The following CSMD1 variants were observed in gnomAD, a reference collection of about 807,000 sequenced individuals.
CSMD1 encodes the protein CUB and Sushi multiple domains 1, also known as CUB and sushi domain-containing protein 1.
A neutral mutation model predicts 417.5 loss-of-function variants in CSMD1; 213 were observed. That is an observed-to-expected ratio of 0.51 (90% confidence interval 0.46 to 0.57). The LOEUF (loss-of-function observed/expected upper bound fraction) is 0.57, where lower values mean the gene tolerates loss of function less well. Among genes scored for constraint, CSMD1 ranks in the 20% least tolerant of loss-of-function variants. The pLI is 0.00. For missense variants in CSMD1, 6,923 were observed against 4,529.7 expected (o/e 1.53, Z -15.17); for synonymous variants, 2,862 against 1,736.8 (o/e 1.65, Z -16.11).
intron 5 of CSMD1, among the ~76,000 whole-genome samples, chr8:3,913,671 A>T (rs1164637336): frequency 6.6e-6 from 1 of 152,180 alleles, no homozygotes; most frequent in East Asian, 1.9e-4. Flanking sequence ...GGGCCATCGA[A>T]ATATCAAGGA....
chr8:3,630,172 G>A (rs1274416572), intron 7 of CSMD1, among the ~76,000 whole-genome samples: 2 of 152,214 alleles, frequency 1.3e-5, no homozygotes, highest in Non-Finnish European at 2.9e-5. Context: ...TGAATGCCTG[G>A]TACAGGCAGG....
chr8:4,429,525 G>A (rs962979533), intron 2 of CSMD1, among the ~76,000 whole-genome samples: 1 of 152,116 alleles, frequency 6.6e-6, no homozygotes. Context: ...ATTCAAGTTG[G>A]ATCAGAAAAT....
At chr8:4,172,010 G>A (rs1385726080) in intron 3 of CSMD1, among the ~76,000 whole-genome samples, 1 of 151,992 alleles carries the variant, frequency 6.6e-6, no homozygotes, top group Non-Finnish European at 1.5e-5. Context: ...TACCACCAAA[G>A]CAGCACATAA....
At chr8:3,663,739 C>T (rs184078752) in intron 7 of CSMD1, among the ~76,000 whole-genome samples, 148 of 152,264 alleles carry the variant, frequency 9.7e-4, no homozygotes, top group Non-Finnish European at 1.4e-3. Context: ...AGTTGTCCTG[C>T]CTTTCTGGAC....
chr8:4,151,619 G>T (rs1003626858), intron 3 of CSMD1, among the ~76,000 whole-genome samples: 2 of 152,094 alleles, frequency 1.3e-5, no homozygotes, highest in African/African-American at 2.4e-5. Context: ...GTGACATGTA[G>T]TTTCACTTTG....
At chr8:3,366,920 AAC>A (rs1809610768) in intron 20 of CSMD1, 110 bp downstream of exon 20, 1 of 865,590 alleles carries the variant, frequency 1.2e-6, no homozygotes, top group East Asian at 2.7e-5. Context: ...CGCATGTACA[AAC>A]ACACACGGAT....
intron 8 of CSMD1, among the ~76,000 whole-genome samples, chr8:3,605,529 G>A (rs1431339880): frequency 6.6e-6 from 1 of 152,166 alleles, no homozygotes; most frequent in African/African-American, 2.4e-5. Flanking sequence ...ATGAGCAGTT[G>A]TTTATCACAA....
chr8:3,377,517 A>G (rs1312642777), intron 18 of CSMD1, among the ~76,000 whole-genome samples: 1 of 152,174 alleles, frequency 6.6e-6, no homozygotes, highest in Non-Finnish European at 1.5e-5. Context: ...TGGCATCCCT[A>G]TAGCATCTCA....
intron 1 of CSMD1, among the ~76,000 whole-genome samples, chr8:4,778,282 T>C (rs904831069): frequency 1.3e-5 from 2 of 152,188 alleles, no homozygotes; most frequent in African/African-American, 2.4e-5. Flanking sequence ...GCTGGTCATC[T>C]AATTTTGCAA....
chr8:4,082,075 G>A lies in CSMD1; in HGVS notation c.416-49976C>T, dbSNP rs117134494. ...CATTTTAGGGGAAAGATTAATTGAT[G>A]AAGATTACTGAGACTTATCAAGAAA... is the stretch of plus-strand genomic sequence containing the variant. On this transcript the variant is annotated intron_variant, in intron 3 of 69. Transcript: ENST00000635120. 1.5e-4 allele frequency among the ~76,000 whole-genome samples: 23 copies of A among 152,178 alleles called. No individual in the cohort carries two copies. The East Asian group carries it at 4.2e-3, about 28-fold the overall frequency.
intron 3 of CSMD1, among the ~76,000 whole-genome samples, chr8:4,377,343 T>G (rs1802818102): frequency 6.6e-6 from 1 of 152,232 alleles, no homozygotes; most frequent in African/African-American, 2.4e-5. Flanking sequence ...GCTTAGAGCT[T>G]ACTAATTTGG....
At chr8:4,705,668 G>A (rs181370874) in intron 1 of CSMD1, among the ~76,000 whole-genome samples, 11 of 152,098 alleles carry the variant, frequency 7.2e-5, no homozygotes, top group East Asian at 3.9e-4. Flanking sequence ...CTTGTATCTC[G>A]TGTCATATGA....
intron 3 of CSMD1, among the ~76,000 whole-genome samples, chr8:4,306,948 C>T (rs1041034463): frequency 6.6e-6 from 1 of 152,088 alleles, no homozygotes; most frequent in African/African-American, 2.4e-5. Context: ...TCTGTCGATC[C>T]TACCCCCAAG....
At chr8:4,603,684 C>G (rs1226092067) in intron 2 of CSMD1, among the ~76,000 whole-genome samples, 15 of 152,062 alleles carry the variant, frequency 9.9e-5, no homozygotes, top group Admixed American at 9.2e-4. Context: ...ACATTAAAAA[C>G]AGTGATTTTC....
chr8:3,170,066 G>A (rs1051531611), intron 37 of CSMD1, among the ~76,000 whole-genome samples: 4 of 152,266 alleles, frequency 2.6e-5, no homozygotes, highest in Admixed American at 2.6e-4. Flanking sequence ...AGGCATAAAA[G>A]CTTCTACTCT....
chr8:3,295,935 A>G (rs979047507), intron 25 of CSMD1, among the ~76,000 whole-genome samples: 2 of 152,092 alleles, frequency 1.3e-5, no homozygotes, highest in Admixed American at 6.5e-5. Context: ...GGAACTTTGC[A>G]TACATCTGCC....
intron 2 of CSMD1, among the ~76,000 whole-genome samples, chr8:4,574,743 A>G (rs148769816): frequency 4.1e-4 from 62 of 152,332 alleles, no homozygotes; most frequent in Middle Eastern, 6.8e-3. Flanking sequence ...CACCTTTATC[A>G]TGAGGTGTAC....
At chr8:4,074,687 G>A (rs762198447) in intron 3 of CSMD1, among the ~76,000 whole-genome samples, 8 of 151,800 alleles carry the variant, frequency 5.3e-5, no homozygotes, top group Non-Finnish European at 8.8e-5. Flanking sequence ...TTAAAATTTT[G>A]TATAAAGATG....
At chr8:4,434,999 T>C (rs963336038) in intron 2 of CSMD1, among the ~76,000 whole-genome samples, 1 of 152,220 alleles carries the variant, frequency 6.6e-6, no homozygotes, top group Non-Finnish European at 1.5e-5. Flanking sequence ...TTGCATACTT[T>C]TGTCTACTCT....
Sources: gnomAD v4.1 joint callset for allele counts (sites outside exome capture counted in the v4.1 genomes callset) on GRCh38, gnomAD v4.1.1 for gene constraint, MANE v1.5 for transcripts, NCBI Gene and HGNC (gene_info 2026-07-23, HGNC 2026-07-21) for gene names.